GRM7: variants seen among roughly 807,000 people sequenced by gnomAD.
The protein encoded by GRM7 is metabotropic glutamate receptor 7.
GRM7 carries 35 observed loss-of-function variants against 84.5 expected under a neutral mutation model. The ratio of observed to expected loss-of-function variants is 0.41; its 90% CI spans 0.32 to 0.55. The LOEUF is 0.55. Ranked by LOEUF, GRM7 falls within the 20% of genes least tolerant of loss-of-function variation. The pLI is 0.19. For missense variants in GRM7, 1,003 were observed against 1,194.6 expected (o/e 0.84, Z 2.36); for synonymous variants, 487 against 455.1 (o/e 1.07, Z -0.89).
At chr3:7,534,499 T>A (rs1298365279) in intron 7 of GRM7, among the ~76,000 whole-genome samples, 1 of 152,174 alleles carries the variant, frequency 6.6e-6, no homozygotes, top group Non-Finnish European at 1.5e-5. Context: ...TATCTTGTGT[T>A]TTTAACCACT....
intron 1 of GRM7, among the ~76,000 whole-genome samples, chr3:6,887,309 C>T (rs1695734370): frequency 6.6e-6 from 1 of 151,752 alleles, no homozygotes; most frequent in South Asian, 2.1e-4. Flanking sequence ...ATACATGTGC[C>T]ATGCTGGTGT....
chr3:7,122,700 C>G (rs1428101936), intron 1 of GRM7, among the ~76,000 whole-genome samples: 5 of 152,182 alleles, frequency 3.3e-5, no homozygotes, highest in African/African-American at 1.2e-4. Context: ...TCAGTGCTAA[C>G]ATTTTAAATT....
chr3:7,427,799 C>A (rs1304445081), intron 5 of GRM7, among the ~76,000 whole-genome samples: 2 of 152,158 alleles, frequency 1.3e-5, no homozygotes, highest in Non-Finnish European at 2.9e-5. Context: ...CGCAGGAAGA[C>A]ATAGCAATCT....
chr3:7,197,589 T>C (rs1695919611), intron 2 of GRM7, among the ~76,000 whole-genome samples: 1 of 152,180 alleles, frequency 6.6e-6, no homozygotes. Context: ...TCAATTGTTT[T>C]TCTACTCCCT....
At chr3:6,982,687 C>T (rs913107703) in intron 1 of GRM7, among the ~76,000 whole-genome samples, 1 of 151,850 alleles carries the variant, frequency 6.6e-6, no homozygotes, top group African/African-American at 2.4e-5. Flanking sequence ...ATCTGTTCAC[C>T]ATCACTATAG....
At chr3:6,909,085 G>T (rs1322073277) in intron 1 of GRM7, among the ~76,000 whole-genome samples, 1 of 152,040 alleles carries the variant, frequency 6.6e-6, no homozygotes, top group Non-Finnish European at 1.5e-5. Context: ...ATGACCCTAG[G>T]TTTAGCTCAG....
intron 7 of GRM7, among the ~76,000 whole-genome samples, chr3:7,523,290 A>G (rs2124993989): frequency 6.6e-6 from 1 of 152,212 alleles, no homozygotes; most frequent in East Asian, 1.9e-4. Flanking sequence ...TGATATACAG[A>G]AAAATTTTTT....
At chr3:7,048,095 A>G (rs2124950512) in intron 1 of GRM7, among the ~76,000 whole-genome samples, 1 of 152,140 alleles carries the variant, frequency 6.6e-6, no homozygotes, top group South Asian at 2.1e-4. Flanking sequence ...TTGAGTTTTT[A>G]GAATATTACA....
chr3:7,616,660 TTTC>T (rs1697095505), intron 8 of GRM7, among the ~76,000 whole-genome samples: 1 of 152,174 alleles, frequency 6.6e-6, no homozygotes, highest in Non-Finnish European at 1.5e-5. Context: ...TAGCTGATCT[TTTC>T]TTTGGATTTA....
intron 8 of GRM7, among the ~76,000 whole-genome samples, chr3:7,613,717 T>C (rs1482975247): frequency 6.6e-6 from 1 of 152,172 alleles, no homozygotes; most frequent in Non-Finnish European, 1.5e-5. Flanking sequence ...CAGATGATCA[T>C]CTTATGATAG....
At chr3:7,314,922 T>C (rs906514485) in intron 4 of GRM7, among the ~76,000 whole-genome samples, 11 of 152,312 alleles carry the variant, frequency 7.2e-5, no homozygotes, top group African/African-American at 2.6e-4. Context: ...CTTAGTATAA[T>C]GTTCTTGATT....
chr3:7,396,325 A>T (rs1484030869), intron 4 of GRM7, among the ~76,000 whole-genome samples: 2 of 152,100 alleles, frequency 1.3e-5, no homozygotes, highest in Non-Finnish European at 2.9e-5. Context: ...ATCTGAAGAG[A>T]GGTTTCTGAG....
At chr3:7,727,413 C>A (rs974520318) in intron 9 of GRM7, among the ~76,000 whole-genome samples, 11 of 152,022 alleles carry the variant, frequency 7.2e-5, no homozygotes, top group Non-Finnish European at 1.3e-4. Context: ...CACATTAAAA[C>A]AAAAAACAAT....
chr3:7,402,315 A>G (rs1388253058), intron 4 of GRM7, among the ~76,000 whole-genome samples: 1 of 152,208 alleles, frequency 6.6e-6, no homozygotes, highest in Non-Finnish European at 1.5e-5. Flanking sequence ...GTGATTTCCT[A>G]GAAAACAAGA....
chr3:6,908,978 A>G (rs1308254263), intron 1 of GRM7, among the ~76,000 whole-genome samples: 1 of 152,130 alleles, frequency 6.6e-6, no homozygotes, highest in Non-Finnish European at 1.5e-5. Context: ...TCGACATCAT[A>G]TATTATAATT....
intron 7 of GRM7, among the ~76,000 whole-genome samples, chr3:7,471,461 C>G (rs1698698117): frequency 6.6e-6 from 1 of 152,168 alleles, no homozygotes; most frequent in Non-Finnish European, 1.5e-5. Context: ...GTGGGTGGAT[C>G]CCAGCTTCTG....
intron 1 of GRM7, among the ~76,000 whole-genome samples, chr3:6,876,843 C>G (rs1695324865): frequency 6.6e-6 from 1 of 152,058 alleles, no homozygotes; most frequent in Non-Finnish European, 1.5e-5. Context: ...CTCAGATGAT[C>G]CACCTGCTTC....
At chr3:7,152,431 T>C (rs190437955) in intron 2 of GRM7, among the ~76,000 whole-genome samples, 2 of 152,354 alleles carry the variant, frequency 1.3e-5, no homozygotes, top group South Asian at 4.1e-4. Context: ...AAAAGATGTT[T>C]AGCGTGAAAC....
intron 9 of GRM7, among the ~76,000 whole-genome samples, chr3:7,709,775 G>A (rs1173851281): frequency 6.6e-6 from 1 of 152,136 alleles, no homozygotes; most frequent in Non-Finnish European, 1.5e-5. Flanking sequence ...TTCTGGAGTT[G>A]GGGAGCAGAG....
Sources: allele counts gnomAD v4.1 joint callset (sites outside exome capture counted in the v4.1 genomes callset), GRCh38; gene constraint gnomAD v4.1.1; transcripts MANE v1.5; gene names NCBI Gene and HGNC (gene_info 2026-07-23, HGNC 2026-07-21).